GRIK1: variants seen among roughly 807,000 people sequenced by gnomAD.
The protein encoded by GRIK1 is glutamate receptor ionotropic, kainate 1.
GRIK1 carries 69 observed loss-of-function variants against 105.7 expected under a neutral mutation model. That is an observed-to-expected ratio of 0.65 (90% CI 0.54 to 0.80). GRIK1 has a LOEUF of 0.80. GRIK1 is among the 30% of genes least tolerant of loss of function. The probability of loss-of-function intolerance (pLI) is 0.00; values close to 1 mark genes in which losing one functional copy is unlikely to be tolerated. For missense variants in GRIK1, 1,109 were observed against 1,167.3 expected (o/e 0.95, Z 0.73); for synonymous variants, 438 against 431.3 (o/e 1.02, Z -0.19).
chr21:29,568,568 G>A (rs1333027530), intron 14 of GRIK1, among the ~76,000 whole-genome samples: 1 of 152,192 alleles, frequency 6.6e-6, no homozygotes, highest in Non-Finnish European at 1.5e-5. Context: ...TTTTATCCAA[G>A]TCATTTTAGA....
rs373449443 is a variant in GRIK1, at chr21:29,587,550, C to T, written c.1609G>A (p.Val537Met). The T allele has an allele frequency of 3.7e-6, 6 of 1,613,466 alleles. No homozygotes were observed. Among genetic ancestry groups the T allele is most frequent in the African/African-American group, 2.7e-5 (2 of 74,890 alleles). ...LAVAPLTITY[V>M]REKVIDFSKP... ...GAGAAGTCAATGACTTTCTCCCGCA[C>T]GTAGGTGATGGTAAGAGGAGCCACT... Residue 537 changes from valine (V) to methionine (M), a missense_variant, in exon 12 of 18, where the codon GTG becomes ATG. Val to Met is a conservative substitution (Grantham distance 21). Transcript: ENST00000327783.
chr21:29,935,841 G>A (rs1254838163), intron 1 of GRIK1, among the ~76,000 whole-genome samples: 1 of 152,088 alleles, frequency 6.6e-6, no homozygotes, highest in Non-Finnish European at 1.5e-5. Context: ...CAGATGAAGA[G>A]ATTTAGGCTT....
chr21:29,788,795 T>C (rs35045172), intron 1 of GRIK1, among the ~76,000 whole-genome samples: 17,873 of 152,166 alleles, frequency 0.12, 1,166 homozygotes, highest in African/African-American at 0.16. Context: ...CAGGAGCCTG[T>C]AGCCTAGATC....
chr21:29,869,625 T>C (rs2068943244), intron 1 of GRIK1, among the ~76,000 whole-genome samples: 1 of 152,204 alleles, frequency 6.6e-6, no homozygotes, highest in African/African-American at 2.4e-5. Flanking sequence ...TGGTAGTAAA[T>C]TGGGAAGCAG....
intron 1 of GRIK1, among the ~76,000 whole-genome samples, chr21:29,773,556 C>A (rs1479147703): frequency 6.6e-6 from 1 of 152,104 alleles, no homozygotes; most frequent in Non-Finnish European, 1.5e-5. Context: ...TACAAAGGAG[C>A]ACAGCCTACT....
At chr21:29,875,887 T>C (rs949299675) in intron 1 of GRIK1, among the ~76,000 whole-genome samples, 2 of 152,192 alleles carry the variant, frequency 1.3e-5, no homozygotes, top group African/African-American at 4.8e-5. Context: ...ATGAAAAATT[T>C]TGATAGTCCC....
In GRIK1 at chr21:29,855,616, G is replaced by A. The variant is rs547330860; in HGVS notation, c.118+83767C>T. Among the ~76,000 whole-genome samples the A allele has an allele frequency of 6.6e-5, 10 of 152,332 alleles. No homozygotes were observed. The South Asian group carries it at 2.1e-3, about 32-fold the overall frequency. ...TTGTATGTAATGAGCAGCCAAAGGA[G>A]GGTTTTAAGCAGATTAGTGGGATGT... On this transcript the variant is annotated intron_variant, in intron 1 of 17. Transcript: ENST00000327783.
At chr21:29,822,843 C>T (rs573957382) in intron 1 of GRIK1, among the ~76,000 whole-genome samples, 6 of 152,008 alleles carry the variant, frequency 3.9e-5, no homozygotes, top group Admixed American at 6.6e-5. Flanking sequence ...TAGCTTGCTA[C>T]TATTTGGGTT....
At chr21:29,682,334 A>G (rs375714689) in intron 3 of GRIK1, among the ~76,000 whole-genome samples, 4 of 152,184 alleles carry the variant, frequency 2.6e-5, no homozygotes, top group Non-Finnish European at 5.9e-5. Context: ...TATTCTGTAC[A>G]TGAATGTTCT....
intron 1 of GRIK1, among the ~76,000 whole-genome samples, chr21:29,777,800 C>G (rs902000786): frequency 5.9e-5 from 9 of 151,640 alleles, no homozygotes; most frequent in African/African-American, 9.7e-5. Flanking sequence ...GGTGACAGAA[C>G]GAACAGAAAG....
chr21:29,583,022 A>G (rs1342510769), intron 12 of GRIK1, among the ~76,000 whole-genome samples: 1 of 151,926 alleles, frequency 6.6e-6, no homozygotes, highest in Admixed American at 6.6e-5. Flanking sequence ...CATTTTCTAA[A>G]CCTCCAGACA....
chr21:29,831,905 T>A (rs2067653019), intron 1 of GRIK1, among the ~76,000 whole-genome samples: 1 of 152,180 alleles, frequency 6.6e-6, no homozygotes, highest in Non-Finnish European at 1.5e-5. Context: ...AAATCTCATC[T>A]GGGACAAGGT....
chr21:29,878,673 T>C (rs1341972434), intron 1 of GRIK1, among the ~76,000 whole-genome samples: 1 of 152,058 alleles, frequency 6.6e-6, no homozygotes, highest in African/African-American at 2.4e-5. Flanking sequence ...ATGAATAAGA[T>C]TAGTGTCTTT....
At chr21:29,902,810 G>C (rs1232138109) in intron 1 of GRIK1, among the ~76,000 whole-genome samples, 1 of 152,076 alleles carries the variant, frequency 6.6e-6, no homozygotes, top group African/African-American at 2.4e-5. Flanking sequence ...CCAAAAAAGG[G>C]CCCACATAGC....
chr21:29,802,100 C>A (rs964010249), intron 1 of GRIK1, among the ~76,000 whole-genome samples: 28 of 152,278 alleles, frequency 1.8e-4, no homozygotes, highest in Admixed American at 1.8e-3. Flanking sequence ...AAGCTCCCCT[C>A]AACTGCCAGA....
chr21:29,537,168 A>G lies in GRIK1; in HGVS notation c.*62T>C, dbSNP rs2089892002. On this transcript the variant is annotated 3_prime_UTR_variant, in exon 18 of 18. Coordinates refer to ENST00000327783, the MANE Select transcript of GRIK1 (RefSeq NM_001330994.2). ...GAAACACATCACACACTCCTCAGAA[A>G]TCCTTTCTCCAAAAATCTGTAGGGA... is the stretch of plus-strand genomic sequence containing the variant. 2 of 1,215,458 alleles carry G rather than the reference A, an allele frequency of 1.6e-6. No individual in the cohort carries two copies. Among genetic ancestry groups the G allele is most frequent in the East Asian group, 2.4e-5 (1 of 41,482 alleles). 75.3% of individuals were successfully genotyped at this position (1,215,458 alleles called of 1,614,324 possible). A position where few individuals can be genotyped will look rare whatever the true frequency, so the allele number is the denominator to read the frequency against.
Position 29,560,574 on chromosome 21 carries a change from T to TTCTC in GRIK1, c.2356+1046_2356+1049dup, listed in dbSNP as rs757906994. Among the ~76,000 whole-genome samples, 4 of 124,182 alleles carry TTCTC rather than the reference T, an allele frequency of 3.2e-5. No individual in the cohort carries two copies. In the East Asian group the frequency reaches 6.7e-4, roughly 21 times the overall value. The allele number at this position is 124,182 out of a possible 152,430, so 81.5% of individuals were successfully genotyped here. ...TTTCTTTCTTTCTTTCTTTCTTTCT[T>TTCTC]TCTCTCTTTCTTTCTTTCTCTCCTT... On this transcript the variant is annotated intron_variant, in intron 15 of 17. Transcript: ENST00000327783.
chr21:29,791,733 A>T (rs2066424649), intron 1 of GRIK1, among the ~76,000 whole-genome samples: 1 of 152,190 alleles, frequency 6.6e-6, no homozygotes, highest in Non-Finnish European at 1.5e-5. Flanking sequence ...GCTGACTACT[A>T]AGGAGTTGGA....
chr21:29,939,264 C>A, intron 1 of GRIK1, 119 bp downstream of exon 1: 1 of 648,692 alleles, frequency 1.5e-6, no homozygotes, highest in Non-Finnish European at 2.7e-6. Flanking sequence ...CACTGACCTC[C>A]ACCTTCCCCA....
Sources: allele counts gnomAD v4.1 joint callset (sites outside exome capture counted in the v4.1 genomes callset), GRCh38; gene constraint gnomAD v4.1.1; transcripts MANE v1.5; gene names NCBI Gene and HGNC (gene_info 2026-07-23, HGNC 2026-07-21).